MCC: variants seen among roughly 807,000 people sequenced by gnomAD.
The protein encoded by MCC is MCC regulator of Wnt signaling pathway.
In MCC, 90 loss-of-function variants were observed where a neutral mutation model predicts 116.2. That is an observed-to-expected ratio of 0.77 (90% CI 0.65 to 0.92). MCC has a LOEUF of 0.92. MCC is among the 40% of genes least tolerant of loss of function. MCC has a pLI of 0.00. For synonymous variants in MCC, 578 were observed against 510.5 expected, an observed-to-expected ratio of 1.13 and a Z score of -1.78; for missense variants, 1,516 against 1,312.2, an observed-to-expected ratio of 1.16 and a Z score of -2.40.
rs554595247 is a variant in MCC at position 113,110,947 on chromosome 5, A to T, written c.1028-6592T>A. Among the ~76,000 whole-genome samples, 10 of 152,260 alleles carry T rather than the reference A, an allele frequency of 6.6e-5. No homozygotes were observed. In the East Asian group the frequency reaches 1.9e-3, roughly 29 times the overall value. On this transcript the variant is annotated intron_variant, in intron 6 of 18. Coordinates refer to ENST00000408903, the MANE Select transcript of MCC (RefSeq NM_001085377.2). ...CCATGTGCAGAGGGGCCAGCCGCAG[A>T]CCCCAGGACTCAGCACGCCCAACCC...
At chr5:113,204,976 C>A (rs1365494673) in intron 3 of MCC, among the ~76,000 whole-genome samples, 1 of 152,134 alleles carries the variant, frequency 6.6e-6, no homozygotes, top group African/African-American at 2.4e-5. Context: ...GATGACAGGG[C>A]TAATGCAGGG....
chr5:113,168,691 ACTGTG>A (rs929395998), intron 3 of MCC, among the ~76,000 whole-genome samples: 2 of 152,128 alleles, frequency 1.3e-5, no homozygotes, highest in African/African-American at 4.8e-5. Context: ...GGCCAAAGCA[ACTGTG>A]CTTTTTTGCC....
intron 2 of MCC, among the ~76,000 whole-genome samples, chr5:113,369,113 C>A (rs570838266): frequency 4.6e-5 from 7 of 152,064 alleles, no homozygotes; most frequent in African/African-American, 7.2e-5. Flanking sequence ...TGAATCCAGT[C>A]CTTTTTTTTT....
intron 2 of MCC, among the ~76,000 whole-genome samples, chr5:113,369,575 T>G (rs1768789159): frequency 2.0e-5 from 3 of 152,310 alleles, no homozygotes; most frequent in Admixed American, 6.5e-5. Context: ...CTTTTTCTAT[T>G]GATTTGGTCT....
chr5:113,421,070 C>G (rs1430774248), intron 1 of MCC, among the ~76,000 whole-genome samples: 1 of 151,876 alleles, frequency 6.6e-6, no homozygotes, highest in African/African-American at 2.4e-5. Flanking sequence ...GTTGCCTAGG[C>G]TGGAGTACAG....
intron 1 of MCC, among the ~76,000 whole-genome samples, chr5:113,467,010 T>C (rs1203069844): frequency 4.6e-5 from 7 of 151,682 alleles, no homozygotes; most frequent in African/African-American, 1.5e-4. Flanking sequence ...TCATATCCTT[T>C]GCCCACTTTT....
intron 3 of MCC, among the ~76,000 whole-genome samples, chr5:113,238,575 T>G (rs1430687232): frequency 6.6e-6 from 1 of 152,240 alleles, no homozygotes; most frequent in Non-Finnish European, 1.5e-5. Context: ...ATTTAAGATT[T>G]TGTTATTGGT....
chr5:113,094,319 T>A (rs1581043767), intron 8 of MCC, among the ~76,000 whole-genome samples: 1 of 152,114 alleles, frequency 6.6e-6, no homozygotes, highest in South Asian at 2.1e-4. Flanking sequence ...CTCGGTAAGT[T>A]TGATATGTGT....
chr5:113,474,546 GTCTGAACTTA>G (rs2150433133), intron 1 of MCC, among the ~76,000 whole-genome samples: 1 of 152,324 alleles, frequency 6.6e-6, no homozygotes, highest in South Asian at 2.1e-4. Flanking sequence ...CCTAGAAGGA[GTCTGAACTTA>G]TCTGTAAGGA....
intron 1 of MCC, among the ~76,000 whole-genome samples, chr5:113,428,125 T>A (rs1258881563): frequency 6.6e-6 from 1 of 152,144 alleles, no homozygotes; most frequent in Admixed American, 6.5e-5. Context: ...ATTCTACAAC[T>A]ATTAACCAGT....
chr5:113,098,600 T>C (rs1051919972), intron 8 of MCC, among the ~76,000 whole-genome samples: 1 of 152,156 alleles, frequency 6.6e-6, no homozygotes, highest in African/African-American at 2.4e-5. Context: ...GGACCAATAA[T>C]AAAATTGCCT....
In MCC at chr5:113,370,314, G is replaced by A. The variant is rs539512300; in HGVS notation, c.415+14654C>T. Among the ~76,000 whole-genome samples, 22 of 152,234 alleles carry A rather than the reference G, an allele frequency of 1.4e-4. 1 individual carries two copies. The South Asian group carries it at 3.3e-3, about 23-fold the overall frequency. ...GAAGGTTTTTCCCTTTGGACACTGA[G>A]GCCCAAAAATGGAAGCCTGTTCTTC... On this transcript the variant is annotated intron_variant, in intron 2 of 18. Transcript: ENST00000408903.
In MCC at chr5:113,184,497, T is replaced by TA. The variant is rs1491319610; in HGVS notation, c.628-33076_628-33075insT. On this transcript the variant is annotated intron_variant, in intron 3 of 18. Transcript: ENST00000408903. ...GTTTTTTGTTTTTTTTTTTTTTTTT[T>TA]GGAGACAGAGTCTTGTTCTGGTGCT... Among the ~76,000 whole-genome samples the TA allele has an allele frequency of 7.6e-4, 89 of 117,308 alleles. 1 individual carries two copies. Among genetic ancestry groups the TA allele is most frequent in the African/African-American group, 1.6e-3 (55 of 33,880 alleles). The allele number at this position is 117,308 out of a possible 152,430, so 77.0% of individuals were successfully genotyped here.
chr5:113,057,628 G>C (rs751614065), intron 14 of MCC, among the ~76,000 whole-genome samples: 1 of 152,220 alleles, frequency 6.6e-6, no homozygotes, highest in Non-Finnish European at 1.5e-5. Flanking sequence ...GGGCACTGAG[G>C]ACCCCGGCTG....
intron 2 of MCC, among the ~76,000 whole-genome samples, chr5:113,374,740 C>T (rs10040533): frequency 0.065 from 9,934 of 152,070 alleles, 694 homozygotes; most frequent in African/African-American, 0.17. Flanking sequence ...CTGTAAATCC[C>T]AGCACTTTGG....
chr5:113,464,714 G>GTA (rs1478486657), intron 1 of MCC, among the ~76,000 whole-genome samples: 1 of 151,604 alleles, frequency 6.6e-6, no homozygotes, highest in African/African-American at 2.4e-5. Context: ...CTAGTACATA[G>GTA]TATGCACTCA....
rs372063290 is a variant in MCC, at chr5:113,046,059, C to T, written c.2656-2429G>A. On this transcript the variant is annotated intron_variant, in intron 16 of 18. Transcript: ENST00000408903. ...GCCCAGATGGGAGATTTTATTCCAA[C>T]AGTAAATGGATCTAGTATTTGAAAG... 9.9e-5 allele frequency among the ~76,000 whole-genome samples: 15 copies of T among 152,146 alleles called. No individual in the cohort carries two copies. The East Asian group carries it at 1.2e-3, about 12-fold the overall frequency.
At chr5:113,162,210 A>G (rs754622745) in intron 3 of MCC, among the ~76,000 whole-genome samples, 4 of 152,242 alleles carry the variant, frequency 2.6e-5, no homozygotes, top group Non-Finnish European at 5.9e-5. Flanking sequence ...TTCCCAGAAA[A>G]TGAAGAGAAT....
At chr5:113,446,686 C>T (rs1771228072) in intron 1 of MCC, among the ~76,000 whole-genome samples, 1 of 152,142 alleles carries the variant, frequency 6.6e-6, no homozygotes, top group Admixed American at 6.5e-5. Context: ...TCCCAAAGAA[C>T]TAAAAATAGA....
Sources: gnomAD v4.1 joint callset for allele counts (sites outside exome capture counted in the v4.1 genomes callset) on GRCh38, gnomAD v4.1.1 for gene constraint, MANE v1.5 for transcripts, NCBI Gene and HGNC (gene_info 2026-07-23, HGNC 2026-07-21) for gene names.